The following OXR1 variants were observed in gnomAD, a reference collection of about 807,000 sequenced individuals.
OXR1 encodes oxidation resistance 1, also known as oxidation resistance protein 1.
Under a neutral mutation model 104.6 loss-of-function variants are expected in OXR1, and 41 were observed. The observed-to-expected ratio is 0.39, with a 90% CI of 0.31 to 0.51. The LOEUF is 0.51. OXR1 is among the 20% of genes least tolerant of loss of function. The probability of loss-of-function intolerance (pLI) is 0.77; values close to 1 mark genes in which losing one functional copy is unlikely to be tolerated. For missense variants in OXR1, 955 were observed against 1,031.9 expected (o/e 0.93, Z 1.02); for synonymous variants, 348 against 348.4 (o/e 1.00, Z 0.01).
chr8:106,390,426 T>C (rs1336497819), intron 2 of OXR1, among the ~76,000 whole-genome samples: 1 of 152,180 alleles, frequency 6.6e-6, no homozygotes, highest in Non-Finnish European at 1.5e-5. Context: ...CTAAACACTT[T>C]CCATATATTA....
At chr8:106,360,799 A>C (rs1816210306) in intron 2 of OXR1, among the ~76,000 whole-genome samples, 1 of 152,182 alleles carries the variant, frequency 6.6e-6, no homozygotes, top group Non-Finnish European at 1.5e-5. Flanking sequence ...AGCTCCTGGG[A>C]GACCTTGACA....
chr8:106,701,810 T>G (rs889965890), intron 7 of OXR1, among the ~76,000 whole-genome samples: 9 of 152,186 alleles, frequency 5.9e-5, no homozygotes, highest in Non-Finnish European at 1.0e-4. Flanking sequence ...AGAGCTATGA[T>G]TGTGAAGATC....
rs976193511 is a variant in OXR1, at chr8:106,751,081, T to A, written c.*140T>A. ...TCTGTATCACCATTTATTACAGTTA[T>A]AATTTTGGAGTTTATTTTTCAAATC... On this transcript the variant is annotated 3_prime_UTR_variant, in exon 17 of 17. Transcript: ENST00000517566. 4 of 606,754 alleles carry A rather than the reference T, an allele frequency of 6.6e-6. No homozygotes were observed. Among genetic ancestry groups the A allele is most frequent in the Admixed American group, 3.6e-5 (1 of 27,802 alleles). 37.6% of individuals were successfully genotyped at this position (606,754 alleles called of 1,614,324 possible).
intron 1 of OXR1, among the ~76,000 whole-genome samples, chr8:106,298,310 G>T (rs1193823306): frequency 2.0e-5 from 3 of 152,186 alleles, no homozygotes; most frequent in Non-Finnish European, 4.4e-5. Flanking sequence ...CAAAGGATGA[G>T]CAAAGGCACA....
intron 2 of OXR1, among the ~76,000 whole-genome samples, chr8:106,487,955 G>A (rs376713351): frequency 6.6e-6 from 1 of 150,622 alleles, no homozygotes; most frequent in African/African-American, 2.4e-5. Flanking sequence ...GGATGGCTGG[G>A]TCAAATGGTA....
chr8:106,595,489 G>A (rs1819447466), intron 3 of OXR1, among the ~76,000 whole-genome samples: 1 of 148,362 alleles, frequency 6.7e-6, no homozygotes, highest in Admixed American at 6.8e-5. Flanking sequence ...GGCAGAGGTT[G>A]CAGTGAGCTG....
chr8:106,641,321 G>A (rs1823609891), intron 3 of OXR1, among the ~76,000 whole-genome samples: 1 of 152,160 alleles, frequency 6.6e-6, no homozygotes, highest in African/African-American at 2.4e-5. Context: ...GGGGCTGAAA[G>A]AGCAAGCCCA....
chr8:106,550,218 A>G (rs999938708), intron 3 of OXR1, among the ~76,000 whole-genome samples: 1 of 152,242 alleles, frequency 6.6e-6, no homozygotes, highest in Admixed American at 6.5e-5. Flanking sequence ...AGATAGTCCC[A>G]GAGTGCTGTC....
intron 3 of OXR1, chr8:106,618,150 G>A (rs1183333436): frequency 6.5e-6 from 10 of 1,536,084 alleles, no homozygotes; most frequent in Non-Finnish European, 6.1e-6. Flanking sequence ...AAGGTTCGAA[G>A]GAAGGACCTC....
chr8:106,301,521 A>G (rs1813234765), intron 1 of OXR1, among the ~76,000 whole-genome samples: 1 of 152,192 alleles, frequency 6.6e-6, no homozygotes, highest in South Asian at 2.1e-4. Flanking sequence ...TGTGTAGAAG[A>G]GCAAGGTTTG....
chr8:106,323,166 C>T lies in OXR1; in HGVS notation c.-138-36310C>T, dbSNP rs116655589. ...TACAAGGCTACAGTAATGAAAACAGCGTGGTAGTGGTACAAAAATTGGCAC... is the reference window on the plus strand; with the variant it reads ...TACAAGGCTACAGTAATGAAAACAGTGTGGTAGTGGTACAAAAATTGGCAC... On this transcript the variant is annotated intron_variant, in intron 1 of 16. Coordinates refer to ENST00000517566, the MANE Select transcript of OXR1 (RefSeq NM_001198533.2). Among the ~76,000 whole-genome samples the T allele has an allele frequency of 9.2e-3, 1,404 of 152,250 alleles. 26 individuals carry two copies. The highest frequency in any genetic ancestry group is 0.031 in the African/African-American group (1,289 of 41,564).
chr8:106,358,950 CCGTCT>C (rs1367336008), intron 1 of OXR1, among the ~76,000 whole-genome samples: 11 of 151,720 alleles, frequency 7.3e-5, no homozygotes, highest in African/African-American at 2.7e-4. Flanking sequence ...ATTTAATTCA[CCGTCT>C]TATTTAGCGA....
chr8:106,734,433 C>A (rs1371685169), intron 11 of OXR1, among the ~76,000 whole-genome samples: 8 of 152,048 alleles, frequency 5.3e-5, no homozygotes, highest in African/African-American at 1.9e-4. Flanking sequence ...GATAGTATTT[C>A]TTTTTCTCTT....
At chr8:106,689,693 G>T (rs543702158) in intron 6 of OXR1, among the ~76,000 whole-genome samples, 8 of 152,034 alleles carry the variant, frequency 5.3e-5, no homozygotes, top group Non-Finnish European at 1.0e-4. Flanking sequence ...GAAGGGTTAA[G>T]TTAATTTCTC....
At chr8:106,669,950 A>G (rs1826763851) in intron 3 of OXR1, among the ~76,000 whole-genome samples, 1 of 152,204 alleles carries the variant, frequency 6.6e-6, no homozygotes, top group African/African-American at 2.4e-5. Context: ...CAAACATTTT[A>G]TTAAGGGTAT....
chr8:106,594,580 T>C (rs1386135175), intron 3 of OXR1, among the ~76,000 whole-genome samples: 1 of 152,220 alleles, frequency 6.6e-6, no homozygotes, highest in East Asian at 1.9e-4. Context: ...TCTGCCTTTC[T>C]GCCTTCAGTG....
intron 2 of OXR1, among the ~76,000 whole-genome samples, chr8:106,511,815 G>T (rs1329834447): frequency 2.6e-5 from 4 of 152,176 alleles, no homozygotes; most frequent in Non-Finnish European, 5.9e-5. Flanking sequence ...CCTAATTCCA[G>T]AATGTGGCCT....
At chr8:106,658,200 C>T (rs1825346041) in intron 3 of OXR1, 1 of 1,236,270 alleles carries the variant, frequency 8.1e-7, no homozygotes, top group Non-Finnish European at 1.0e-6. Context: ...GCCCACCTTT[C>T]TTTCGCCTCC....
intron 4 of OXR1, among the ~76,000 whole-genome samples, chr8:106,679,646 T>A (rs1184614490): frequency 6.6e-6 from 1 of 152,080 alleles, no homozygotes; most frequent in Non-Finnish European, 1.5e-5. Context: ...ATAGTTATAA[T>A]GGCAGATGGG....
Sources: gnomAD v4.1 joint callset for allele counts (sites outside exome capture counted in the v4.1 genomes callset) on GRCh38, gnomAD v4.1.1 for gene constraint, MANE v1.5 for transcripts, NCBI Gene and HGNC (gene_info 2026-07-23, HGNC 2026-07-21) for gene names.